The following OPCML variants were observed in gnomAD, a reference collection of about 807,000 sequenced individuals.
OPCML encodes opioid binding protein/cell adhesion molecule like, also known as opioid-binding protein/cell adhesion molecule.
A neutral mutation model predicts 37.8 loss-of-function variants in OPCML; 13 were observed. The ratio of observed to expected loss-of-function variants is 0.34; its 90% CI spans 0.22 to 0.55. OPCML has a LOEUF of 0.55. Among genes scored for constraint, OPCML ranks in the 20% least tolerant of loss-of-function variants. The probability of loss-of-function intolerance (pLI) is 0.91; values close to 1 mark genes in which losing one functional copy is unlikely to be tolerated. For missense variants in OPCML, 341 were observed against 435.6 expected, an observed-to-expected ratio of 0.78 and a Z score of 1.93; for synonymous variants, 176 against 168.8, an observed-to-expected ratio of 1.04 and a Z score of -0.33.
At chr11:132,652,385 C>CACAG (rs3222177) in intron 3 of OPCML, among the ~76,000 whole-genome samples, 117 of 126,944 alleles carry the variant, frequency 9.2e-4, no homozygotes, top group Non-Finnish European at 1.3e-3. Flanking sequence ...CACACACACA[C>CACAG]AGAGAGAGAA....
At position 133,441,747 on chromosome 11, in the gene OPCML, T is replaced by C. The variant is rs1303013318; in HGVS notation, c.61+90517A>G. ...AACTTCCTTAACTTAAAAATAAAAA[T>C]GTATATGCAACATTAAAAAACACGC... On this transcript the variant is annotated intron_variant, in intron 1 of 7. Transcript: ENST00000524381. Among the ~76,000 whole-genome samples, 4 of 152,250 alleles carry C rather than the reference T, an allele frequency of 2.6e-5. No homozygotes were observed. In the East Asian group the frequency reaches 7.7e-4, roughly 29 times the overall value.
At chr11:133,486,533 C>T (rs1479286140) in intron 1 of OPCML, among the ~76,000 whole-genome samples, 1 of 152,080 alleles carries the variant, frequency 6.6e-6, no homozygotes, top group Non-Finnish European at 1.5e-5. Flanking sequence ...CCTTCACAGC[C>T]TCCTCTGCTG....
At chr11:132,994,455 G>C (rs2136826781) in intron 1 of OPCML, among the ~76,000 whole-genome samples, 2 of 152,312 alleles carry the variant, frequency 1.3e-5, no homozygotes, top group South Asian at 4.1e-4. Context: ...TCGCCGTGCA[G>C]GCGCCTCGTG....
chr11:132,516,383 A>G (rs1176288233), intron 4 of OPCML, among the ~76,000 whole-genome samples: 1 of 152,074 alleles, frequency 6.6e-6, no homozygotes. Flanking sequence ...GCATCTGGGA[A>G]CTTGTCTTTG....
intron 1 of OPCML, among the ~76,000 whole-genome samples, chr11:133,121,451 C>T (rs1949419358): frequency 6.6e-6 from 1 of 152,188 alleles, no homozygotes; most frequent in Non-Finnish European, 1.5e-5. Flanking sequence ...TGATACACTT[C>T]AGACAAGTCC....
rs1451785257 is a variant in OPCML at position 133,326,907 on chromosome 11, G to T, written c.61+205357C>A. Among the ~76,000 whole-genome samples, 63 of 146,102 alleles carry T rather than the reference G, an allele frequency of 4.3e-4. 1 individual carries two copies. Among genetic ancestry groups the T allele is most frequent in the Non-Finnish European group, 1.2e-4 (8 of 66,320 alleles). ...ATAAGTGAGGGAGGTGTGGGTGAGGGTGTGTGGGGCGGCGAGTGTGTGTGT... is the reference window on the plus strand; with the variant it reads ...ATAAGTGAGGGAGGTGTGGGTGAGGTTGTGTGGGGCGGCGAGTGTGTGTGT... On this transcript the variant is annotated intron_variant, in intron 1 of 7. Coordinates refer to ENST00000524381, the MANE Select transcript of OPCML (RefSeq NM_001012393.5).
rs5795789 is a variant in OPCML, at chr11:132,554,863, GTTTTTTTTTTT to G, written c.380-25688_380-25678del. Among the ~76,000 whole-genome samples, 589 of 64,044 alleles carry G rather than the reference GTTTTTTTTTTT, an allele frequency of 9.2e-3. 12 individuals are homozygous for G. Among genetic ancestry groups the G allele is most frequent in the African/African-American group, 0.032 (549 of 17,358 alleles). 42.0% of individuals were successfully genotyped at this position (64,044 alleles called of 152,430 possible). A position where few individuals can be genotyped will look rare whatever the true frequency, so the allele number is the denominator to read the frequency against. On this transcript the variant is annotated intron_variant, in intron 3 of 7. Coordinates refer to ENST00000524381, the MANE Select transcript of OPCML (RefSeq NM_001012393.5). ...ATAAAAGCCATGGGAATGGGGTAAAGTTTTTTTTTTTTTTTTTTTTTTTTTTTTCATTAGCT... is the reference window on the plus strand; with the variant it reads ...ATAAAAGCCATGGGAATGGGGTAAAGTTTTTTTTTTTTTTTTTCATTAGCT...
intron 1 of OPCML, among the ~76,000 whole-genome samples, chr11:132,952,322 A>G (rs1202858439): frequency 2.0e-5 from 3 of 152,140 alleles, no homozygotes; most frequent in Non-Finnish European, 4.4e-5. Context: ...TAAGAAAGTC[A>G]CCAGAAAGGG....
At chr11:132,713,612 C>T (rs912287702) in intron 2 of OPCML, among the ~76,000 whole-genome samples, 7 of 152,170 alleles carry the variant, frequency 4.6e-5, no homozygotes, top group Admixed American at 2.6e-4. Context: ...TTGATGTATT[C>T]AGTTCTCCTC....
At chr11:132,737,393 C>G (rs1242649518) in intron 2 of OPCML, among the ~76,000 whole-genome samples, 1 of 152,066 alleles carries the variant, frequency 6.6e-6, no homozygotes, top group Admixed American at 6.5e-5. Flanking sequence ...ACGATCCCAA[C>G]TTTTCGACAC....
intron 4 of OPCML, among the ~76,000 whole-genome samples, chr11:132,492,712 C>T (rs924939309): frequency 5.9e-5 from 9 of 152,080 alleles, no homozygotes; most frequent in African/African-American, 2.2e-4. Flanking sequence ...ATCAGCAAAT[C>T]AATAGCGTTT....
intron 1 of OPCML, among the ~76,000 whole-genome samples, chr11:133,496,026 A>T (rs188640249): frequency 1.3e-5 from 2 of 152,302 alleles, no homozygotes; most frequent in East Asian, 3.9e-4. Context: ...GAATTTTTAT[A>T]GTTTCACATC....
intron 1 of OPCML, among the ~76,000 whole-genome samples, chr11:133,027,468 G>A (rs1947575441): frequency 7.3e-6 from 1 of 137,838 alleles, no homozygotes. Flanking sequence ...TGTGGTCTAT[G>A]TAGTGTGTGT....
chr11:132,672,776 C>A (rs1306379540), intron 2 of OPCML, among the ~76,000 whole-genome samples: 2 of 152,136 alleles, frequency 1.3e-5, no homozygotes, highest in Non-Finnish European at 2.9e-5. Context: ...TCCATTGATT[C>A]CTGTAGGAGA....
chr11:132,521,844 A>C (rs2096294684), intron 4 of OPCML, among the ~76,000 whole-genome samples: 1 of 152,338 alleles, frequency 6.6e-6, no homozygotes, highest in African/African-American at 2.4e-5. Flanking sequence ...GGATTTCACT[A>C]GTTTTTGCAT....
At chr11:132,882,368 C>T (rs1943251761) in intron 2 of OPCML, among the ~76,000 whole-genome samples, 1 of 152,132 alleles carries the variant, frequency 6.6e-6, no homozygotes, top group African/African-American at 2.4e-5. Flanking sequence ...TGGGAATAAA[C>T]AGGTTTGTAG....
At chr11:133,367,018 C>T (rs1843614566) in intron 1 of OPCML, among the ~76,000 whole-genome samples, 2 of 152,110 alleles carry the variant, frequency 1.3e-5, no homozygotes, top group South Asian at 4.2e-4. Flanking sequence ...CACTTTGTCA[C>T]CAGGCTGGAG....
chr11:133,146,439 C>A (rs1352508310), intron 1 of OPCML, among the ~76,000 whole-genome samples: 1 of 151,700 alleles, frequency 6.6e-6, no homozygotes, highest in African/African-American at 2.4e-5. Flanking sequence ...CTCAGCCTCT[C>A]GAGTAGCTGG....
chr11:132,786,930 G>C (rs1431699264), intron 2 of OPCML, among the ~76,000 whole-genome samples: 2 of 152,132 alleles, frequency 1.3e-5, no homozygotes, highest in Non-Finnish European at 2.9e-5. Context: ...AGCAAGCGTG[G>C]GGCATGGAGT....
Sources: gnomAD v4.1 joint callset for allele counts (sites outside exome capture counted in the v4.1 genomes callset) on GRCh38, gnomAD v4.1.1 for gene constraint, MANE v1.5 for transcripts, NCBI Gene and HGNC (gene_info 2026-07-23, HGNC 2026-07-21) for gene names.